GORASP2: variants seen among roughly 807,000 people sequenced by gnomAD.
GORASP2 encodes the protein golgi reassembly stacking protein 2, also known as Golgi reassembly-stacking protein 2.
Under a neutral mutation model 45.7 loss-of-function variants are expected in GORASP2, and 22 were observed. The observed-to-expected ratio is 0.48, with a 90% CI of 0.34 to 0.69. The LOEUF is 0.69. GORASP2 is among the 30% of genes least tolerant of loss of function. GORASP2 has a pLI of 0.01. For missense variants in GORASP2, 491 were observed against 562.7 expected (o/e 0.87, Z 1.29); for synonymous variants, 221 against 215.6 (o/e 1.02, Z -0.22).
At chr2:170,943,487 C>T (rs1704121032) in intron 1 of GORASP2, among the ~76,000 whole-genome samples, 1 of 152,096 alleles carries the variant, frequency 6.6e-6, no homozygotes, top group Non-Finnish European at 1.5e-5. Context: ...TGAATCTTTA[C>T]AACATTCTTG....
intron 5 of GORASP2, chr2:170,954,134 G>A (rs1402611442): frequency 1.3e-5 from 2 of 152,600 alleles, no homozygotes; most frequent in African/African-American, 4.8e-5. Context: ...TGACTGATTT[G>A]TGTCAGGTTC....
chr2:170,940,866 C>G (rs1704060344), intron 1 of GORASP2, among the ~76,000 whole-genome samples: 1 of 152,044 alleles, frequency 6.6e-6, no homozygotes. Flanking sequence ...TCTTTTGTGA[C>G]ACACTAAATT....
chr2:170,933,331 G>A (rs1000157002), intron 1 of GORASP2, among the ~76,000 whole-genome samples: 1 of 152,112 alleles, frequency 6.6e-6, no homozygotes, highest in Non-Finnish European at 1.5e-5. Context: ...GTTATTGTAA[G>A]TTACCCCCTA....
intron 1 of GORASP2, among the ~76,000 whole-genome samples, chr2:170,944,182 C>T (rs1479198880): frequency 6.6e-6 from 1 of 152,100 alleles, no homozygotes; most frequent in African/African-American, 2.4e-5. Context: ...TGAGAGATTA[C>T]GTGCCAGGAG....
intron 1 of GORASP2, among the ~76,000 whole-genome samples, chr2:170,943,409 G>A (rs1704119569): frequency 6.6e-6 from 1 of 152,210 alleles, no homozygotes; most frequent in Non-Finnish European, 1.5e-5. Flanking sequence ...AGGAGGATGA[G>A]CTTAAGATTT....
intron 9 of GORASP2, among the ~76,000 whole-genome samples, chr2:170,963,740 T>C (rs914640082): frequency 6.6e-6 from 1 of 152,048 alleles, no homozygotes; most frequent in Non-Finnish European, 1.5e-5. Flanking sequence ...CCTCCCAGGA[T>C]CAAGCCATCC....
chr2:170,947,624 A>G (rs1024937863), intron 1 of GORASP2, among the ~76,000 whole-genome samples: 4 of 152,182 alleles, frequency 2.6e-5, no homozygotes, highest in African/African-American at 9.7e-5. Flanking sequence ...ATGTCTTGAC[A>G]TACGTGACTA....
chr2:170,943,550 G>C (rs1023344834), intron 1 of GORASP2, among the ~76,000 whole-genome samples: 1 of 152,178 alleles, frequency 6.6e-6, no homozygotes, highest in Non-Finnish European at 1.5e-5. Flanking sequence ...GAGGCCCAGC[G>C]TGGTAAATAA....
At chr2:170,958,002 T>A (rs1168658604) in intron 7 of GORASP2, among the ~76,000 whole-genome samples, 1 of 152,214 alleles carries the variant, frequency 6.6e-6, no homozygotes, top group Non-Finnish European at 1.5e-5. Flanking sequence ...ATATTTATAT[T>A]CACAATTTGT....
intron 1 of GORASP2, among the ~76,000 whole-genome samples, chr2:170,943,888 C>T (rs1045664782): frequency 3.3e-5 from 5 of 152,112 alleles, no homozygotes; most frequent in African/African-American, 1.2e-4. Flanking sequence ...GTTGCCCAAG[C>T]TGGTCTTGAA....
intron 1 of GORASP2, among the ~76,000 whole-genome samples, chr2:170,930,788 G>A (rs1017069272): frequency 5.3e-5 from 8 of 152,116 alleles, no homozygotes; most frequent in Non-Finnish European, 1.5e-5. Flanking sequence ...CAAATGTGAG[G>A]TGAAAGCTGT....
intron 1 of GORASP2, among the ~76,000 whole-genome samples, chr2:170,931,353 G>A (rs1206767520): frequency 1.3e-5 from 2 of 152,082 alleles, no homozygotes; most frequent in Admixed American, 6.5e-5. Flanking sequence ...TCTTATCTTT[G>A]TTTTTAGAGG....
chr2:170,940,061 G>A (rs926203761), intron 1 of GORASP2, among the ~76,000 whole-genome samples: 13 of 152,176 alleles, frequency 8.5e-5, no homozygotes, highest in African/African-American at 3.1e-4. Context: ...CATTTTATGT[G>A]TGGAAAAGGA....
chr2:170,945,953 A>G (rs564420604), intron 1 of GORASP2, among the ~76,000 whole-genome samples: 1 of 152,206 alleles, frequency 6.6e-6, no homozygotes, highest in Non-Finnish European at 1.5e-5. Flanking sequence ...TTGGACTATT[A>G]TAGAAAGTCA....
chr2:170,928,720 G>C (rs1703737353), upstream of GORASP2: 1 of 152,220 alleles, frequency 6.6e-6, no homozygotes, highest in African/African-American at 2.4e-5. Context: ...AAAGAAGTTG[G>C]TAGGTGACTC....
chr2:170,943,726 G>T (rs1331310987), intron 1 of GORASP2, among the ~76,000 whole-genome samples: 1 of 152,148 alleles, frequency 6.6e-6, no homozygotes, highest in Non-Finnish European at 1.5e-5. Context: ...AGGCTGAAGT[G>T]CAGTGGCGTG....
intron 1 of GORASP2, 61 bp downstream of exon 1, chr2:170,929,464 G>A: frequency 8.1e-7 from 1 of 1,232,142 alleles, no homozygotes; most frequent in Non-Finnish European, 1.0e-6. Context: ...CCGCGGGGAG[G>A]CGGAGGCCCC....
At chr2:170,960,448 T>G (rs1420745417) in intron 7 of GORASP2, among the ~76,000 whole-genome samples, 1 of 152,248 alleles carries the variant, frequency 6.6e-6, no homozygotes, top group Non-Finnish European at 1.5e-5. Context: ...AGATTGAGTC[T>G]TCCTGGCTTA....
chr2:170,938,405 C>T (rs1308948535), intron 1 of GORASP2, among the ~76,000 whole-genome samples: 2 of 152,186 alleles, frequency 1.3e-5, no homozygotes, highest in African/African-American at 4.8e-5. Context: ...TCAGATCTGA[C>T]CCATTAATTT....
Sources: allele counts gnomAD v4.1 joint callset (sites outside exome capture counted in the v4.1 genomes callset), GRCh38; gene constraint gnomAD v4.1.1; transcripts MANE v1.5; gene names NCBI Gene and HGNC (gene_info 2026-07-23, HGNC 2026-07-21).